The following UGT2B4 variants were observed in gnomAD, a reference collection of about 807,000 sequenced individuals.
The protein encoded by UGT2B4 is UDP glucuronosyltransferase family 2 member B4.
UGT2B4 carries 49 observed loss-of-function variants against 49.8 expected under a neutral mutation model. The ratio of observed to expected loss-of-function variants is 0.98; its 90% CI spans 0.78 to 1.25. UGT2B4 has a LOEUF of 1.25. Among genes scored for constraint, UGT2B4 ranks in the 50% most tolerant of loss-of-function variants. The pLI, the probability that UGT2B4 is intolerant of heterozygous loss-of-function variation, is 0.00. For missense variants in UGT2B4, 729 were observed against 627.7 expected, an observed-to-expected ratio of 1.16 and a Z score of -1.73; for synonymous variants, 246 against 217.7, an observed-to-expected ratio of 1.13 and a Z score of -1.14.
At chr4:69,500,006 C>T (rs757457169), upstream of UGT2B4, among the ~76,000 whole-genome samples, 4 of 152,130 alleles carry the variant, frequency 2.6e-5, no homozygotes, top group African/African-American at 4.8e-5. Context: ...AAATGCCCAT[C>T]AATGATAGAC....
intron 3 of UGT2B4, among the ~76,000 whole-genome samples, chr4:69,487,913 A>C (rs1443845962): frequency 6.6e-6 from 1 of 151,960 alleles, no homozygotes; most frequent in Non-Finnish European, 1.5e-5. Flanking sequence ...TTTAATATTA[A>C]TTTATTCATT....
intron 1 of UGT2B4, among the ~76,000 whole-genome samples, chr4:69,521,072 C>T (rs556956655): frequency 6.6e-5 from 10 of 152,266 alleles, no homozygotes; most frequent in South Asian, 4.1e-4. Context: ...TTGGGATGAC[C>T]AGCCTGTGGA....
chr4:69,522,816 T>C (rs1407025962), intron 1 of UGT2B4, among the ~76,000 whole-genome samples: 1 of 152,220 alleles, frequency 6.6e-6, no homozygotes, highest in African/African-American at 2.4e-5. Context: ...AGAACTTCTT[T>C]CAGAGTTGAA....
At chr4:69,497,104 T>C (rs770216454), upstream of UGT2B4, among the ~76,000 whole-genome samples, 17 of 152,244 alleles carry the variant, frequency 1.1e-4, no homozygotes, top group Non-Finnish European at 2.4e-4. Context: ...AACTGTTCTA[T>C]AGATAATAAC....
intron 1 of UGT2B4, among the ~76,000 whole-genome samples, chr4:69,502,473 G>T (rs1577896088): frequency 2.0e-5 from 3 of 152,078 alleles, no homozygotes; most frequent in Middle Eastern, 3.4e-3. Context: ...TGCCATCTTT[G>T]CTGTTTCTCA....
chr4:69,498,067 A>C (rs769313536), upstream of UGT2B4, among the ~76,000 whole-genome samples: 1 of 152,220 alleles, frequency 6.6e-6, no homozygotes, highest in Non-Finnish European at 1.5e-5. Context: ...TTAGCAAAGA[A>C]GTGTTTTTAA....
At chr4:69,492,761 A>G (rs1728027927) in intron 2 of UGT2B4, among the ~76,000 whole-genome samples, 2 of 152,054 alleles carry the variant, frequency 1.3e-5, no homozygotes, top group South Asian at 2.1e-4. Flanking sequence ...TTTCCACACA[A>G]CACAATATGA....
chr4:69,488,057 G>T (rs1429355182), intron 3 of UGT2B4, among the ~76,000 whole-genome samples: 1 of 152,076 alleles, frequency 6.6e-6, no homozygotes, highest in Non-Finnish European at 1.5e-5. Flanking sequence ...AATTAATGCT[G>T]CAAAGGTAGC....
At chr4:69,487,385 C>T (rs1247110561) in intron 3 of UGT2B4, among the ~76,000 whole-genome samples, 2 of 152,144 alleles carry the variant, frequency 1.3e-5, no homozygotes, top group Admixed American at 6.6e-5. Context: ...AAATGTGGTA[C>T]ATGTTCACCA....
chr4:69,506,449 C>T (rs1728470264), intron 1 of UGT2B4, among the ~76,000 whole-genome samples: 1 of 152,048 alleles, frequency 6.6e-6, no homozygotes, highest in African/African-American at 2.4e-5. Flanking sequence ...TTATGAACAC[C>T]TCTATGCACA....
intron 1 of UGT2B4, among the ~76,000 whole-genome samples, chr4:69,515,272 A>C (rs1252375643): frequency 6.6e-6 from 1 of 151,946 alleles, no homozygotes; most frequent in Non-Finnish European, 1.5e-5. Flanking sequence ...ATTGGAAGTA[A>C]AACAATCCTC....
chr4:69,497,552 T>G (rs1241871694), upstream of UGT2B4, among the ~76,000 whole-genome samples: 1 of 152,134 alleles, frequency 6.6e-6, no homozygotes, highest in Non-Finnish European at 1.5e-5. Context: ...ACTGCAGATG[T>G]GGTGGAAATA....
chr4:69,500,278 T>A (rs568581756), upstream of UGT2B4, among the ~76,000 whole-genome samples: 1 of 152,146 alleles, frequency 6.6e-6, no homozygotes, highest in African/African-American at 2.4e-5. Flanking sequence ...GATAAATAGC[T>A]AATGCATTCC....
chr4:69,483,869 C>T (rs1302589295), intron 5 of UGT2B4, among the ~76,000 whole-genome samples: 1 of 151,798 alleles, frequency 6.6e-6, no homozygotes, highest in Non-Finnish European at 1.5e-5. Flanking sequence ...TGTTAGTGCA[C>T]CAAGAACGAG....
intron 1 of UGT2B4, among the ~76,000 whole-genome samples, chr4:69,511,377 G>T (rs1383418842): frequency 6.6e-6 from 1 of 151,924 alleles, no homozygotes; most frequent in Non-Finnish European, 1.5e-5. Flanking sequence ...TTGTTCAGTT[G>T]TGTCAAATGC....
intron 1 of UGT2B4, among the ~76,000 whole-genome samples, chr4:69,505,244 G>A (rs1728437616): frequency 6.6e-6 from 1 of 151,982 alleles, no homozygotes; most frequent in African/African-American, 2.4e-5. Context: ...AAATGTATAT[G>A]GGCTAAATGA....
chr4:69,522,781 T>C (rs908130775), intron 1 of UGT2B4, among the ~76,000 whole-genome samples: 1 of 152,196 alleles, frequency 6.6e-6, no homozygotes, highest in African/African-American at 2.4e-5. Context: ...CATGCAATAG[T>C]GTCTGACAGC....
chr4:69,485,531 C>G, intron 4 of UGT2B4, 104 bp from the exon 5 acceptor site: 1 of 1,492,664 alleles, frequency 6.7e-7, no homozygotes, highest in Non-Finnish European at 9.2e-7. Flanking sequence ...ACACACTGAA[C>G]TGAATTAAAA....
chr4:69,524,848 G>A (rs1333651615), intron 1 of UGT2B4, among the ~76,000 whole-genome samples: 1 of 152,162 alleles, frequency 6.6e-6, no homozygotes, highest in Non-Finnish European at 1.5e-5. Flanking sequence ...CCTCTATGGA[G>A]CAATCAGAAA....
Sources: allele counts gnomAD v4.1 joint callset (sites outside exome capture counted in the v4.1 genomes callset), GRCh38; gene constraint gnomAD v4.1.1; transcripts MANE v1.5; gene names NCBI Gene and HGNC (gene_info 2026-07-23, HGNC 2026-07-21).